ZNF98: variants seen among roughly 807,000 people sequenced by gnomAD.
ZNF98 encodes the protein zinc finger protein 98.
ZNF98 carries 8 observed loss-of-function variants against 12.8 expected under a neutral mutation model. That is an observed-to-expected ratio of 0.63 (90% confidence interval 0.37 to 1.13). The LOEUF is 1.13. ZNF98 is among the 50% of genes most tolerant of loss of function. The probability of loss-of-function intolerance (pLI) is 0.01; values close to 1 mark genes in which losing one functional copy is unlikely to be tolerated. For missense variants in ZNF98, 379 were observed against 666.1 expected (o/e 0.57, Z 4.74); for synonymous variants, 112 against 223.5 (o/e 0.50, Z 4.45).
At chr19:22,396,824 A>G (rs922529925) in intron 3 of ZNF98, among the ~76,000 whole-genome samples, 7 of 152,228 alleles carry the variant, frequency 4.6e-5, no homozygotes, top group African/African-American at 1.4e-4. Context: ...AAGGACATTA[A>G]AACTTACAGA....
chr19:22,412,138 G>A (rs1009996842), intron 1 of ZNF98, among the ~76,000 whole-genome samples: 1 of 152,076 alleles, frequency 6.6e-6, no homozygotes, highest in Non-Finnish European at 1.5e-5. Context: ...TCATCATTAC[G>A]TGGCACATAC....
At chr19:22,409,300 T>G (rs770068755) in intron 1 of ZNF98, among the ~76,000 whole-genome samples, 2 of 152,062 alleles carry the variant, frequency 1.3e-5, no homozygotes, top group Non-Finnish European at 2.9e-5. Flanking sequence ...CAAGATGGAT[T>G]AAAGACATAA....
At chr19:22,417,280 G>C (rs988849245) in intron 1 of ZNF98, among the ~76,000 whole-genome samples, 1 of 114,724 alleles carries the variant, frequency 8.7e-6, no homozygotes, top group Non-Finnish European at 1.8e-5. Flanking sequence ...TGAATAATAA[G>C]AACACATAAA....
intron 1 of ZNF98, among the ~76,000 whole-genome samples, chr19:22,415,452 T>C (rs1434025642): frequency 6.6e-6 from 1 of 152,226 alleles, no homozygotes; most frequent in South Asian, 2.1e-4. Flanking sequence ...TCAACCTAAC[T>C]GCTTCTCAAC....
intron 3 of ZNF98, among the ~76,000 whole-genome samples, chr19:22,400,124 G>A (rs1372559139): frequency 6.6e-6 from 1 of 152,160 alleles, no homozygotes; most frequent in Non-Finnish European, 1.5e-5. Flanking sequence ...AACTTACCCT[G>A]CAATCATCCC....
rs61327036 is a variant in ZNF98 at position 22,412,640 on chromosome 19, T to TAAAA, written c.31-9132_31-9129dup. 5.6e-3 allele frequency among the ~76,000 whole-genome samples: 787 copies of TAAAA among 139,494 alleles called. 1 individual carries two copies. Among genetic ancestry groups the TAAAA allele is most frequent in the Non-Finnish European group, 9.9e-3 (640 of 64,434 alleles). The allele number at this position is 139,494 out of a possible 152,430, so 91.5% of individuals were successfully genotyped here. A position where few individuals can be genotyped will look rare whatever the true frequency, so the allele number is the denominator to read the frequency against. ...ATCAAGAATTGCAGGAGTAAAATCTTAAAAAAAAAAAAAAAGATAAATTCT... is the reference window on the plus strand; with the variant it reads ...ATCAAGAATTGCAGGAGTAAAATCTTAAAAAAAAAAAAAAAAAAAGATAAATTCT... On this transcript the variant is annotated intron_variant, in intron 1 of 3. Transcript: ENST00000357774.
chr19:22,408,128 G>A (rs1049078177), intron 1 of ZNF98, among the ~76,000 whole-genome samples: 18 of 152,122 alleles, frequency 1.2e-4, no homozygotes, highest in African/African-American at 4.3e-4. Flanking sequence ...CTGGGATGCA[G>A]GGCTGGTTCA....
At chr19:22,416,607 G>C (rs1444510475) in intron 1 of ZNF98, among the ~76,000 whole-genome samples, 1 of 151,752 alleles carries the variant, frequency 6.6e-6, no homozygotes, top group Non-Finnish European at 1.5e-5. Context: ...ATAAAAATTA[G>C]CCAGGCCTGG....
intron 1 of ZNF98, among the ~76,000 whole-genome samples, chr19:22,417,223 C>A (rs1969654054): frequency 1.5e-5 from 1 of 66,230 alleles, no homozygotes; most frequent in African/African-American, 6.3e-5. Context: ...GAGCAAAACT[C>A]CATCTCAAAA....
At chr19:22,395,711 T>C (rs1472327240) in intron 3 of ZNF98, among the ~76,000 whole-genome samples, 1 of 152,030 alleles carries the variant, frequency 6.6e-6, no homozygotes, top group East Asian at 1.9e-4. Context: ...CAAATACATA[T>C]TAAGCACATT....
chr19:22,414,567 G>T (rs141525756), intron 1 of ZNF98, among the ~76,000 whole-genome samples: 2 of 152,138 alleles, frequency 1.3e-5, no homozygotes, highest in Non-Finnish European at 2.9e-5. Context: ...ACAGAATAGA[G>T]AGCCCATAAT....
intron 3 of ZNF98, among the ~76,000 whole-genome samples, chr19:22,394,962 C>A (rs7249109): frequency 0.9 from 136,282 of 151,906 alleles, 61,413 homozygotes; most frequent in African/African-American, 0.96. Context: ...AACTGAGGTC[C>A]GGAGTTTGAG....
At chr19:22,421,726 C>A (rs989366406) in intron 1 of ZNF98, among the ~76,000 whole-genome samples, 1 of 152,222 alleles carries the variant, frequency 6.6e-6, no homozygotes, top group African/African-American at 2.4e-5. Context: ...GGGAGCTCTA[C>A]AATTTTTGAA....
At chr19:22,405,735 G>A (rs1031176971) in intron 1 of ZNF98, among the ~76,000 whole-genome samples, 1 of 152,136 alleles carries the variant, frequency 6.6e-6, no homozygotes, top group Non-Finnish European at 1.5e-5. Flanking sequence ...CCACAGGTGT[G>A]GCTGCCTGCT....
chr19:22,401,699 G>A (rs1235914013), intron 3 of ZNF98, among the ~76,000 whole-genome samples: 1 of 150,692 alleles, frequency 6.6e-6, no homozygotes, highest in Non-Finnish European at 1.5e-5. Flanking sequence ...TGGCCAGGCT[G>A]GTCTCAAACT....
intron 1 of ZNF98, among the ~76,000 whole-genome samples, chr19:22,404,363 G>C (rs1969496725): frequency 6.6e-6 from 1 of 152,254 alleles, no homozygotes; most frequent in Admixed American, 6.5e-5. Flanking sequence ...GTGTTTTTCA[G>C]TTTTTCTGGC....
intron 1 of ZNF98, among the ~76,000 whole-genome samples, chr19:22,405,135 T>C (rs544917365): frequency 1.3e-5 from 2 of 152,174 alleles, no homozygotes; most frequent in East Asian, 3.9e-4. Context: ...CCCTGACTAT[T>C]ATAAGAACTA....
chr19:22,419,687 A>G (rs1969683143), intron 1 of ZNF98, among the ~76,000 whole-genome samples: 1 of 152,208 alleles, frequency 6.6e-6, no homozygotes, highest in African/African-American at 2.4e-5. Context: ...CAGACAATAC[A>G]TGTCTTATTA....
intron 3 of ZNF98, 137 bp downstream of exon 3, chr19:22,402,652 A>C (rs1033184703): frequency 3.8e-6 from 4 of 1,047,836 alleles, no homozygotes; most frequent in Non-Finnish European, 5.3e-6. Flanking sequence ...AGCAAAATTT[A>C]AAAAATTCAA....
Sources: allele counts gnomAD v4.1 joint callset (sites outside exome capture counted in the v4.1 genomes callset), GRCh38; gene constraint gnomAD v4.1.1; transcripts MANE v1.5; gene names NCBI Gene and HGNC (gene_info 2026-07-23, HGNC 2026-07-21).